SGIP1: variants seen among roughly 807,000 people sequenced by gnomAD.
The protein encoded by SGIP1 is SH3-containing GRB2-like protein 3-interacting protein 1.
In SGIP1, 38 loss-of-function variants were observed where a neutral mutation model predicts 107.5. The ratio of observed to expected loss-of-function variants is 0.35; its 90% confidence interval spans 0.27 to 0.46. The LOEUF (loss-of-function observed/expected upper bound fraction) is 0.46. Ranked by LOEUF, SGIP1 falls within the 20% of genes least tolerant of loss-of-function variation. SGIP1 has a pLI of 1.00. For synonymous variants in SGIP1, 365 were observed against 366.1 expected, an observed-to-expected ratio of 1.00 and a Z score of 0.03; for missense variants, 929 against 1,019.5, an observed-to-expected ratio of 0.91 and a Z score of 1.21.
rs869266510 is a variant in SGIP1, at chr1:66,683,700, C to CTTTTTTTTTTTTTTTT, written c.1315+1344_1315+1359dup. 1.4e-3 allele frequency among the ~76,000 whole-genome samples: 86 copies of CTTTTTTTTTTTTTTTT among 61,392 alleles called. 12 individuals are homozygous for CTTTTTTTTTTTTTTTT. Among genetic ancestry groups the CTTTTTTTTTTTTTTTT allele is most frequent in the East Asian group, 4.4e-3 (4 of 908 alleles). The allele number at this position is 61,392 out of a possible 152,430, so 40.3% of individuals were successfully genotyped here. On this transcript the variant is annotated intron_variant, in intron 15 of 24. Transcript: ENST00000371037. ...ACCACACTGTTTGTTTGTTTCTTTTCTTTTTTTTTTTTTTTTTTTTTTTTT... is the reference window on the plus strand; with the variant it reads ...ACCACACTGTTTGTTTGTTTCTTTTCTTTTTTTTTTTTTTTTTTTTTTTTTTTTTTTTTTTTTTTTT...
chr1:66,740,702 C>A lies in SGIP1; in HGVS notation c.2279C>A (p.Ser760Tyr). Reference protein sequence around the residue: ...QRILWKIPDISQKSENGGVGS... With the variant: ...QRILWKIPDIYQKSENGGVGS... ...ATATTGTGGAAGATTCCTGATATCT[C>A]TCAGAAGTCAGAAAATGGAGGTAAT... Residue 760 changes from serine to tyrosine, a missense_variant, in exon 23 of 25, where the codon TCT becomes TAT. Physicochemically the swap from Ser to Tyr is moderately radical, Grantham distance 144 (BLOSUM62 -2). Transcript: ENST00000371037. The A allele has an allele frequency of 6.2e-7, 1 of 1,606,886 alleles. No homozygotes were observed. The highest frequency in any genetic ancestry group is 1.7e-4 in the Middle Eastern group (1 of 6,034).
chr1:66,600,956 GA>G (rs1233572368), intron 1 of SGIP1, among the ~76,000 whole-genome samples: 2 of 152,130 alleles, frequency 1.3e-5, no homozygotes, highest in African/African-American at 4.8e-5. Flanking sequence ...ACTCGTTTTT[GA>G]AAATTTGTGG....
intron 1 of SGIP1, among the ~76,000 whole-genome samples, chr1:66,554,755 A>G (rs1163062246): frequency 6.6e-6 from 1 of 152,146 alleles, no homozygotes; most frequent in African/African-American, 2.4e-5. Context: ...TTCAGAATCT[A>G]AGACACTTCT....
At position 66,548,400 on chromosome 1, in the gene SGIP1, G is replaced by T. The variant is rs534343283; in HGVS notation, c.10+14032G>T. On this transcript the variant is annotated intron_variant, in intron 1 of 24. Transcript: ENST00000371037. ...CATTGGCACCATCACTATTGAGGTC[G>T]GTAGGCTCAAAGTGAAGGTTTAATT... Among the ~76,000 whole-genome samples the T allele has an allele frequency of 7.2e-5, 11 of 152,056 alleles. No individual in the cohort carries two copies. The South Asian group carries it at 2.3e-3, about 32-fold the overall frequency.
At chr1:66,692,578 C>T (rs1300391894) in intron 17 of SGIP1, among the ~76,000 whole-genome samples, 1 of 152,100 alleles carries the variant, frequency 6.6e-6, no homozygotes, top group African/African-American at 2.4e-5. Flanking sequence ...TGTTCAACAC[C>T]AAAGGGCCTA....
chr1:66,559,594 A>G (rs2058651136), intron 1 of SGIP1, among the ~76,000 whole-genome samples: 1 of 152,114 alleles, frequency 6.6e-6, no homozygotes, highest in African/African-American at 2.4e-5. Context: ...CAATGTCTTC[A>G]AAGACCTGGG....
At chr1:66,614,195 T>G (rs1000973941) in intron 1 of SGIP1, among the ~76,000 whole-genome samples, 1 of 152,230 alleles carries the variant, frequency 6.6e-6, no homozygotes, top group Non-Finnish European at 1.5e-5. Flanking sequence ...ATGACATGAC[T>G]GTTTACTCTA....
Position 66,534,266 on chromosome 1 carries a change from A to C in SGIP1, c.-93A>C. 1 of 1,345,320 alleles carries C rather than the reference A, an allele frequency of 7.4e-7. No homozygotes were observed. 83.3% of individuals were successfully genotyped at this position (1,345,320 alleles called of 1,614,324 possible). ...GACAGCGGACGGAATAGACCTCAGC[A>C]GCGGCGTGGTGAGGACTTAGCTGGG... On this transcript the variant is annotated 5_prime_UTR_variant, in exon 1 of 25. Transcript: ENST00000371037.
intron 12 of SGIP1, among the ~76,000 whole-genome samples, chr1:66,675,707 G>T (rs919409218): frequency 2.0e-5 from 3 of 150,752 alleles, no homozygotes; most frequent in South Asian, 4.2e-4. Context: ...ACTAATTTTT[G>T]TATTTTTTGT....
At chr1:66,729,164 T>G (rs1343267157) in intron 19 of SGIP1, 100 bp from the exon 20 acceptor site, 2 of 1,323,792 alleles carry the variant, frequency 1.5e-6, no homozygotes, top group African/African-American at 2.9e-5. Context: ...TCTCTTCTGC[T>G]ATTTAACATT....
chr1:66,725,127 T>C (rs980655150), intron 19 of SGIP1, among the ~76,000 whole-genome samples: 2 of 152,120 alleles, frequency 1.3e-5, no homozygotes, highest in African/African-American at 4.8e-5. Context: ...CCAGGAGAGA[T>C]GGAAATGCAA....
At chr1:66,610,639 G>A (rs917483284) in intron 1 of SGIP1, among the ~76,000 whole-genome samples, 1 of 151,766 alleles carries the variant, frequency 6.6e-6, no homozygotes, top group Non-Finnish European at 1.5e-5. Flanking sequence ...GGAAAGAGAA[G>A]GAAACAAAAC....
intron 1 of SGIP1, among the ~76,000 whole-genome samples, chr1:66,614,316 T>C (rs556289112): frequency 6.6e-6 from 1 of 152,356 alleles, no homozygotes; most frequent in South Asian, 2.1e-4. Flanking sequence ...TGTAACTTGA[T>C]GGATTTAAGT....
chr1:66,651,594 C>T (rs2078762584), intron 7 of SGIP1, among the ~76,000 whole-genome samples: 1 of 152,122 alleles, frequency 6.6e-6, no homozygotes, highest in Non-Finnish European at 1.5e-5. Flanking sequence ...GCTCAAAGGG[C>T]CCATAATCCC....
At chr1:66,534,957 C>T (rs977734755) in intron 1 of SGIP1, among the ~76,000 whole-genome samples, 1 of 152,128 alleles carries the variant, frequency 6.6e-6, no homozygotes, top group Non-Finnish European at 1.5e-5. Flanking sequence ...AGGAAAATAT[C>T]CGGGCCTCTT....
At chr1:66,579,401 G>C (rs1405276462) in intron 1 of SGIP1, among the ~76,000 whole-genome samples, 1 of 152,174 alleles carries the variant, frequency 6.6e-6, no homozygotes, top group African/African-American at 2.4e-5. Flanking sequence ...TTCATAAGAT[G>C]ATAGACATAG....
rs944542836 is a variant in SGIP1 at position 66,748,013 on chromosome 1, A to G, written c.*4918A>G. On this transcript the variant is annotated 3_prime_UTR_variant, in exon 25 of 25. Transcript: ENST00000371037. ...TGCAATGAGTCAAATTAGATTGTTG[A>G]TATAAATGAACAAATCAATCCAAGT... The G allele has an allele frequency of 6.6e-6, 1 of 152,040 alleles. No individual in the cohort carries two copies. The highest frequency in any genetic ancestry group is 1.5e-5 in the Non-Finnish European group (1 of 67,882). The allele number at this position is 152,040 out of a possible 1,614,324, so 9.4% of individuals were successfully genotyped here. A position where few individuals can be genotyped will look rare whatever the true frequency, so the allele number is the denominator to read the frequency against.
At chr1:66,737,393 T>C (rs2094302295) in intron 21 of SGIP1, among the ~76,000 whole-genome samples, 2 of 152,274 alleles carry the variant, frequency 1.3e-5, no homozygotes, top group South Asian at 4.1e-4. Flanking sequence ...TTGTGTAAAG[T>C]ATTAAAGTGT....
intron 1 of SGIP1, among the ~76,000 whole-genome samples, chr1:66,554,354 A>G (rs1289820752): frequency 1.3e-5 from 2 of 152,174 alleles, no homozygotes; most frequent in Non-Finnish European, 2.9e-5. Flanking sequence ...CAGACAGAAT[A>G]AGGTCCTTAG....
Sources: gnomAD v4.1 joint callset for allele counts (sites outside exome capture counted in the v4.1 genomes callset) on GRCh38, gnomAD v4.1.1 for gene constraint, MANE v1.5 for transcripts, NCBI Gene and HGNC (gene_info 2026-07-23, HGNC 2026-07-21) for gene names.